The following AGO2 variants were observed in gnomAD, a reference collection of about 807,000 sequenced individuals.
AGO2 encodes the protein argonaute RISC catalytic component 2.
Under a neutral mutation model 102.3 loss-of-function variants are expected in AGO2, and 5 were observed. That is an observed-to-expected ratio of 0.05 (90% CI 0.03 to 0.10). AGO2 has a LOEUF of 0.10. Among genes scored for constraint, AGO2 ranks in the 10% least tolerant of loss-of-function variants. The pLI is 1.00. For synonymous variants in AGO2, 449 were observed against 473.1 expected, an observed-to-expected ratio of 0.95 and a Z score of 0.66; for missense variants, 541 against 1,183.7, an observed-to-expected ratio of 0.46 and a Z score of 7.97.
chr8:140,581,038 G>A (rs779551538), intron 2 of AGO2, among the ~76,000 whole-genome samples: 18 of 152,232 alleles, frequency 1.2e-4, no homozygotes, highest in African/African-American at 3.4e-4. Flanking sequence ...GCCTAGTTTC[G>A]TAAAAGAAAG....
intron 17 of AGO2, 85 bp from the exon 18 acceptor site, chr8:140,532,700 T>A: frequency 7.2e-7 from 1 of 1,392,004 alleles, no homozygotes; most frequent in Non-Finnish European, 9.9e-7. Flanking sequence ...TTTGTATTAT[T>A]AAAAATGCAT....
intron 1 of AGO2, among the ~76,000 whole-genome samples, chr8:140,629,205 G>T (rs1039748810): frequency 2.6e-5 from 4 of 152,192 alleles, no homozygotes; most frequent in Non-Finnish European, 4.4e-5. Context: ...AACACTGCAC[G>T]AAACAGTAGG....
In AGO2 at chr8:140,525,357, G is replaced by C. The variant is rs2072485186; in HGVS notation, c.*6687C>G. 2 of 152,212 alleles carry C rather than the reference G, an allele frequency of 1.3e-5. No individual in the cohort carries two copies. The highest frequency in any genetic ancestry group is 1.3e-4 in the Admixed American group (2 of 15,280). The allele number at this position is 152,212 out of a possible 1,614,324, so 9.4% of individuals were successfully genotyped here. On this transcript the variant is annotated 3_prime_UTR_variant, in exon 19 of 19. Transcript: ENST00000220592. Reference sequence around the variant, plus strand: ...TGTCCCCTCGAAACACCCTGGACCAGATTCTGACAGCCCAAGGCCAGCCCA... The same window carrying C: ...TGTCCCCTCGAAACACCCTGGACCACATTCTGACAGCCCAAGGCCAGCCCA...
chr8:140,570,064 G>A (rs1015535167), intron 3 of AGO2, among the ~76,000 whole-genome samples: 7 of 152,260 alleles, frequency 4.6e-5, no homozygotes, highest in South Asian at 2.1e-4. Context: ...ACCGCCTTAC[G>A]CAGGCTCTCA....
At chr8:140,565,655 GA>G (rs2073272587) in intron 3 of AGO2, among the ~76,000 whole-genome samples, 1 of 103,478 alleles carries the variant, frequency 9.7e-6, no homozygotes, top group African/African-American at 3.4e-5. Flanking sequence ...AAAAAAAAAA[GA>G]AGAAGAAGAA....
At chr8:140,571,413 C>T (rs2073376186) in intron 3 of AGO2, among the ~76,000 whole-genome samples, 1 of 152,204 alleles carries the variant, frequency 6.6e-6, no homozygotes, top group Non-Finnish European at 1.5e-5. Context: ...GTGGGAGGAT[C>T]GCTTGAGCCT....
chr8:140,545,393 G>A (rs1480089179), intron 13 of AGO2, among the ~76,000 whole-genome samples: 2 of 152,102 alleles, frequency 1.3e-5, no homozygotes, highest in African/African-American at 4.8e-5. Flanking sequence ...AGGGCCCTGC[G>A]GCCGGCCTCC....
intron 1 of AGO2, among the ~76,000 whole-genome samples, chr8:140,624,670 C>T (rs1435768420): frequency 6.6e-6 from 1 of 152,256 alleles, no homozygotes; most frequent in Non-Finnish European, 1.5e-5. Flanking sequence ...CAACGGGCAA[C>T]TCTGGCACCG....
intron 14 of AGO2, among the ~76,000 whole-genome samples, chr8:140,541,976 TAATC>T (rs1270861431): frequency 1.3e-5 from 2 of 152,154 alleles, no homozygotes; most frequent in East Asian, 3.8e-4. Context: ...GTGGCTGAAT[TAATC>T]AGTCCAAAGA....
chr8:140,525,943 T>C lies in AGO2; in HGVS notation c.*6101A>G, dbSNP rs914952460. On this transcript the variant is annotated 3_prime_UTR_variant, in exon 19 of 19. Coordinates refer to ENST00000220592, the MANE Select transcript of AGO2 (RefSeq NM_012154.5). ...TGCATCAGACGGTCCACTGCGCCAC[T>C]AGTGGGAACTTCTACTTCAAAACAC... The C allele has an allele frequency of 2.6e-5, 4 of 152,180 alleles. No homozygotes were observed. Among genetic ancestry groups the C allele is most frequent in the African/African-American group, 9.7e-5 (4 of 41,438 alleles). The allele number at this position is 152,180 out of a possible 1,614,324, so 9.4% of individuals were successfully genotyped here. A position where few individuals can be genotyped will look rare whatever the true frequency, so the allele number is the denominator to read the frequency against.
intron 1 of AGO2, among the ~76,000 whole-genome samples, chr8:140,596,711 C>T (rs151126435): frequency 1.4e-4 from 21 of 152,322 alleles, no homozygotes; most frequent in Admixed American, 1.2e-3. Context: ...ATTTTCCCAG[C>T]GTAGTCTCAC....
chr8:140,527,197 C>T lies in AGO2; in HGVS notation c.*4847G>A, dbSNP rs1202018107. The T allele has an allele frequency of 2.0e-5, 3 of 152,120 alleles. No homozygotes were observed. Among genetic ancestry groups the T allele is most frequent in the Admixed American group, 1.3e-4 (2 of 15,270 alleles). 9.4% of individuals were successfully genotyped at this position (152,120 alleles called of 1,614,324 possible). Reference sequence around the variant, plus strand: ...CAAGAGACCATGTTCTCCTAGTAACCGATCTAGAACTTCCCTTCAGAAGAA... The same window carrying T: ...CAAGAGACCATGTTCTCCTAGTAACTGATCTAGAACTTCCCTTCAGAAGAA... On this transcript the variant is annotated 3_prime_UTR_variant, in exon 19 of 19. Coordinates refer to ENST00000220592, the MANE Select transcript of AGO2 (RefSeq NM_012154.5). This position sits in a 1 kb window ranked among gnomAD's most constrained non-coding sequence, Gnocchi z 6.0.
At chr8:140,628,343 A>G (rs1043224860) in intron 1 of AGO2, among the ~76,000 whole-genome samples, 6 of 152,190 alleles carry the variant, frequency 3.9e-5, no homozygotes, top group Admixed American at 3.9e-4. Context: ...AATGAGGAGG[A>G]CGGCAGCCCC....
At chr8:140,588,599 A>T (rs562689374) in intron 1 of AGO2, among the ~76,000 whole-genome samples, 15 of 88,334 alleles carry the variant, frequency 1.7e-4, no homozygotes, top group African/African-American at 4.7e-4. Context: ...AGGCAGGGAG[A>T]GAGGGAGGGA....
At position 140,549,043 on chromosome 8, in the gene AGO2, G is replaced by A. The variant is rs1314747388; in HGVS notation, c.1588+71C>T. On this transcript the variant is annotated intron_variant, in intron 12 of 18. Transcript: ENST00000220592. ...CTCAGTGCAGCAGAAACACAGAGGG[G>A]CTTAGGCAGGAACAAACACCCACGG... 22 of 1,508,934 alleles carry A rather than the reference G, an allele frequency of 1.5e-5. No individual in the cohort carries two copies. The South Asian group carries it at 2.7e-4, about 18-fold the overall frequency. The allele number at this position is 1,508,934 out of a possible 1,614,324, so 93.5% of individuals were successfully genotyped here.
intron 13 of AGO2, among the ~76,000 whole-genome samples, chr8:140,546,277 T>G (rs1230505746): frequency 6.6e-6 from 1 of 152,248 alleles, no homozygotes; most frequent in East Asian, 1.9e-4. Context: ...TTCAACGGAC[T>G]GTTTCTGGGT....
chr8:140,632,844 G>T (rs2074358250), intron 1 of AGO2, among the ~76,000 whole-genome samples: 1 of 151,956 alleles, frequency 6.6e-6, no homozygotes, highest in Admixed American at 6.6e-5. Flanking sequence ...TTTTAAATTA[G>T]TAAGTTGCCT....
intron 14 of AGO2, among the ~76,000 whole-genome samples, chr8:140,543,533 G>A (rs553237175): frequency 1.3e-4 from 20 of 152,256 alleles, no homozygotes; most frequent in Admixed American, 2.6e-4. Context: ...TCTTCTCACT[G>A]CAGCCTCGAC....
intron 1 of AGO2, among the ~76,000 whole-genome samples, chr8:140,605,483 C>G (rs4961275): frequency 0.86 from 131,488 of 152,280 alleles, 57,295 homozygotes; most frequent in African/African-American, 0.95. Context: ...CTGGGCTGAA[C>G]ACAGACGGGG....
Sources: gnomAD v4.1 joint callset for allele counts (sites outside exome capture counted in the v4.1 genomes callset) on GRCh38, gnomAD v4.1.1 for gene constraint, Gnocchi (gnomAD v3.1) non-coding constraint, MANE v1.5 for transcripts, NCBI Gene and HGNC (gene_info 2026-07-23, HGNC 2026-07-21) for gene names.